C19orf67: variants seen among roughly 807,000 people sequenced by gnomAD.
C19orf67 encodes the protein UPF0575 protein C19orf67.
A neutral mutation model predicts 41.4 loss-of-function variants in C19orf67; 28 were observed. The ratio of observed to expected loss-of-function variants is 0.68; its 90% CI spans 0.50 to 0.93. The LOEUF (loss-of-function observed/expected upper bound fraction) is 0.93. Ranked by LOEUF, C19orf67 falls within the 40% of genes least tolerant of loss-of-function variation. The pLI is 0.00. For synonymous variants in C19orf67, 242 were observed against 203.4 expected (o/e 1.19, Z -1.62); for missense variants, 421 against 467.0 (o/e 0.90, Z 0.91).
chr19:14,082,655 T>A (rs760622335), intron 4 of C19orf67, 52 bp from the exon 5 acceptor site: 1 of 1,495,556 alleles, frequency 6.7e-7, no homozygotes, highest in South Asian at 1.2e-5. Flanking sequence ...TAGCTACTTC[T>A]GTTGAGGGCT....
Position 14,081,850 on chromosome 19 carries a change from G to A in C19orf67, c.1061C>T (p.Ala354Val), listed in dbSNP as rs1183590559. The A allele has an allele frequency of 3.3e-6, 5 of 1,532,258 alleles. No homozygotes were observed. The highest frequency in any genetic ancestry group is 4.4e-6 in the Non-Finnish European group (5 of 1,145,016). The allele number at this position is 1,532,258 out of a possible 1,614,324, so 94.9% of individuals were successfully genotyped here. A position where few individuals can be genotyped will look rare whatever the true frequency, so the allele number is the denominator to read the frequency against. ...PPSAAGPAGW[A>V]AQGS Reference sequence around the variant, plus strand: ...TCCCCAGGTTCAAGACCCCTGCGCTGCCCACCCCGCAGGCCCGGCTGCGCT... The same window carrying A: ...TCCCCAGGTTCAAGACCCCTGCGCTACCCACCCCGCAGGCCCGGCTGCGCT... The change falls in exon 6 of 6, where the codon GCA (alanine) becomes GTA (valine). Residue 354 changes from alanine to valine, a missense_variant. Ala to Val is a moderately conservative substitution (Grantham distance 64). Transcript: ENST00000548523.
At chr19:14,082,039 C>G in intron 5 of C19orf67, 31 bp from the exon 6 acceptor site, 2 of 1,454,748 alleles carry the variant, frequency 1.4e-6, no homozygotes, top group Non-Finnish European at 1.8e-6. Context: ...ATAGACAGGC[C>G]TGGACTTGAG....
chr19:14,082,695 C>T, intron 4 of C19orf67, 92 bp from the exon 5 acceptor site: 1 of 1,271,030 alleles, frequency 7.9e-7, no homozygotes. Context: ...GGGAACTCAT[C>T]AGAAGTTGCC....
At position 14,083,385 on chromosome 19, in the gene C19orf67, G is replaced by C; in HGVS notation, c.619C>G (p.Leu207Val). Residue 207 changes from leucine to valine, a missense_variant, in exon 4 of 6, where the codon CTG becomes GTG. Around this residue, in one of 3 missense-constraint regions of C19orf67, gnomAD observed 253 missense variants for 307.0 expected, o/e 0.82. Transcript: ENST00000548523. ...CTGAAGATGGAGACCTCATGGGACA[G>C]GCTGATGGAGAACCTCCCGCAAAAG... is the stretch of plus-strand genomic sequence containing the variant. ...CFFCGRFSIS[L>V]SHEVSIFRYC... The C allele has an allele frequency of 6.5e-7, 1 of 1,533,314 alleles. No homozygotes were observed. The highest frequency in any genetic ancestry group is 1.2e-5 in the South Asian group (1 of 83,994). The allele number at this position is 1,533,314 out of a possible 1,614,324, so 95.0% of individuals were successfully genotyped here.
intron 1 of C19orf67, among the ~76,000 whole-genome samples, chr19:14,084,506 CA>C (rs1451163609): frequency 6.6e-6 from 1 of 150,652 alleles, no homozygotes; most frequent in Non-Finnish European, 1.5e-5. Flanking sequence ...GACTCCATTT[CA>C]AAAAAACACA....
Position 14,085,415 on chromosome 19 carries a change from C to T in C19orf67, c.213G>A (p.Leu71=). The T allele has an allele frequency of 6.5e-7, 1 of 1,535,964 alleles. No individual in the cohort carries two copies. ...ARASTSSPKP[L]VPRPGPAPPR... ...GAGGTGCTGGCCCAGGCCGGGGGAC[C>T]AGAGGTTTGGGGGAAGACGTGGAGG... The change falls in exon 1 of 6, where the codon CTG becomes CTA. Residue 71 remains leucine, a synonymous_variant. Coordinates refer to ENST00000548523, the MANE Select transcript of C19orf67 (RefSeq NM_001277378.2).
At chr19:14,082,138 G>A in intron 5 of C19orf67, 130 bp from the exon 6 acceptor site, 1 of 810,766 alleles carries the variant, frequency 1.2e-6, no homozygotes, top group East Asian at 2.9e-5. Flanking sequence ...AAAAACCCCC[G>A]GGGGAAACTT....
rs1215364661 is a variant in C19orf67 at position 14,083,785 on chromosome 19, G to A, written c.428C>T (p.Ala143Val). 1.7e-5 allele frequency: 24 copies of A among 1,423,462 alleles called. No individual in the cohort carries two copies. Among genetic ancestry groups the A allele is most frequent in the African/African-American group, 2.9e-5 (2 of 69,536 alleles). 88.2% of individuals were successfully genotyped at this position (1,423,462 alleles called of 1,614,324 possible). A position where few individuals can be genotyped will look rare whatever the true frequency, so the allele number is the denominator to read the frequency against. Residue 143 changes from alanine (A) to valine (V), a missense_variant, in exon 2 of 6, where the codon GCG becomes GTG. Coordinates refer to ENST00000548523, the MANE Select transcript of C19orf67 (RefSeq NM_001277378.2). ...EPYFLYLEAA[A>V]RSIPPIYGPL... ...TCCATAGATGGGGGGTATGCTTCTCGCGGCTGCCTCCAGGTACAGGAAGTA... is the reference window on the plus strand; with the variant it reads ...TCCATAGATGGGGGGTATGCTTCTCACGGCTGCCTCCAGGTACAGGAAGTA...
rs1302890125 is a variant in C19orf67 at position 14,083,578 on chromosome 19, G to A, written c.508C>T (p.Leu170=). 2 of 1,536,084 alleles carry A rather than the reference G, an allele frequency of 1.3e-6. No homozygotes were observed. Among genetic ancestry groups the A allele is most frequent in the Non-Finnish European group, 1.7e-6 (2 of 1,146,884 alleles). ...ATGAGGACCAGCTGTTCCAGGCGCA[G>A]GGTCAGCTGTTGGGAGATCTCTAAC... ...GLLEISQQLT[L]RLEQLVLMYA... Residue 170 remains leucine (L), a synonymous_variant, in exon 3 of 6, where the codon CTG becomes TTG. Coordinates refer to ENST00000548523, the MANE Select transcript of C19orf67 (RefSeq NM_001277378.2).
rs1434376976 is a variant in C19orf67, at chr19:14,081,776, G to A, written c.*58C>T. On this transcript the variant is annotated 3_prime_UTR_variant, in exon 6 of 6. Coordinates refer to ENST00000548523, the MANE Select transcript of C19orf67 (RefSeq NM_001277378.2). ...GCGAGAACGAGTGAGCCCCTCCCCT[G>A]CCCCCTATTCTGGAGTTTGGAACTG... The A allele has an allele frequency of 9.4e-5, 127 of 1,354,168 alleles. 2 individuals carry two copies. The South Asian group carries it at 1.8e-3, about 19-fold the overall frequency. The allele number at this position is 1,354,168 out of a possible 1,614,324, so 83.9% of individuals were successfully genotyped here. A position where few individuals can be genotyped will look rare whatever the true frequency, so the allele number is the denominator to read the frequency against.
Position 14,085,162 on chromosome 19 carries a change from T to TAG in C19orf67, c.335+129_335+130dup, listed in dbSNP as rs900618156. On this transcript the variant is annotated intron_variant, in intron 1 of 5. Coordinates refer to ENST00000548523, the MANE Select transcript of C19orf67 (RefSeq NM_001277378.2). ...TCTCTTAAACTGGATTCTAATATGCTAGCTTCTTCCACTGTCTCCCTCTGG... is the reference window on the plus strand; with the variant it reads ...TCTCTTAAACTGGATTCTAATATGCTAGAGCTTCTTCCACTGTCTCCCTCTGG... 7 of 686,510 alleles carry TAG rather than the reference T, an allele frequency of 1.0e-5. No homozygotes were observed. The Admixed American group carries it at 1.3e-4, about 12-fold the overall frequency. The allele number at this position is 686,510 out of a possible 1,614,324, so 42.5% of individuals were successfully genotyped here.
chr19:14,085,309 T>C lies in C19orf67; in HGVS notation c.319A>G (p.Ser107Gly), dbSNP rs959594896. The stretch of plus-strand genomic sequence containing the variant: ...CAGCATCACCTGTAGAGCAAGTAGC[T>C]CTGGAAATCATCTGCCTTCTTCAGT... ...YLLKKADDFQSYLLYSRDQVQ... is the reference protein window; with the variant it reads ...YLLKKADDFQGYLLYSRDQVQ... The change falls in exon 1 of 6, where the codon AGC becomes GGC. Residue 107 changes from serine to glycine, a missense_variant. Coordinates refer to ENST00000548523, the MANE Select transcript of C19orf67 (RefSeq NM_001277378.2). 1.3e-6 allele frequency: 2 copies of C among 1,536,180 alleles called. No homozygotes were observed. The highest frequency in any genetic ancestry group is 8.7e-7 in the Non-Finnish European group (1 of 1,146,910).
intron 1 of C19orf67, 99 bp downstream of exon 1, chr19:14,085,194 G>A: frequency 1.1e-6 from 1 of 879,382 alleles, no homozygotes; most frequent in Non-Finnish European, 1.8e-6. Flanking sequence ...CTGGCTCCTA[G>A]CGCTTGTAAT....
rs1006414198 is a variant in C19orf67, at chr19:14,085,509, G to A, written c.119C>T (p.Pro40Leu). 6.5e-6 allele frequency: 10 copies of A among 1,535,306 alleles called. No individual in the cohort carries two copies. Among genetic ancestry groups the A allele is most frequent in the Admixed American group, 2.0e-5 (1 of 50,954 alleles). The change falls in exon 1 of 6, where the codon CCT (proline) becomes CTT (leucine). Residue 40 changes from proline to leucine, a missense_variant. By Grantham distance (98) the Pro-to-Leu change is moderately conservative (BLOSUM62 -3). Around this residue, in one of 3 missense-constraint regions of C19orf67, gnomAD observed 160 missense variants for 139.2 expected, o/e 1.15. Coordinates refer to ENST00000548523, the MANE Select transcript of C19orf67 (RefSeq NM_001277378.2). ...CTCAGATGGGTTCCCAGGCCTGCCAGGGGGCGTCGACCTGGAGGGGTCTCC... is the reference window on the plus strand; with the variant it reads ...CTCAGATGGGTTCCCAGGCCTGCCAAGGGGCGTCGACCTGGAGGGGTCTCC... Reference protein sequence around the residue: ...PCGDPSRSTPPGRPGNPSEPD... With the variant: ...PCGDPSRSTPLGRPGNPSEPD...
At chr19:14,083,643 C>T (rs1008366784) in intron 2 of C19orf67, 38 bp from the exon 3 acceptor site, 3 of 1,530,886 alleles carry the variant, frequency 2.0e-6, no homozygotes, top group Admixed American at 2.0e-5. Flanking sequence ...ATCAGCTGGC[C>T]TGCGAGGAGT....
Position 14,081,897 on chromosome 19 carries a change from C to T in C19orf67, c.1014G>A (p.Gln338=). ...CGCTCGGAGGCCGGGCCTGGCCTGC[C>T]TGGCCCGTGAGGATCTGCACCAGCA... ...TDLLVQILTG[Q]AGQARPPSAA... The change falls in exon 6 of 6, where the codon CAG becomes CAA. Residue 338 remains glutamine (Q), a synonymous_variant. Coordinates refer to ENST00000548523, the MANE Select transcript of C19orf67 (RefSeq NM_001277378.2). The T allele has an allele frequency of 6.5e-7, 1 of 1,534,510 alleles. No individual in the cohort carries two copies. The highest frequency in any genetic ancestry group is 8.7e-7 in the Non-Finnish European group (1 of 1,145,940).
chr19:14,083,994 C>A (rs578052509), intron 1 of C19orf67, 117 bp from the exon 2 acceptor site: 204 of 1,029,218 alleles, frequency 2.0e-4, no homozygotes, highest in Non-Finnish European at 2.5e-4. Flanking sequence ...TTAGAAAAGC[C>A]CCCAGTTTCA....
chr19:14,085,745 G>C lies in C19orf67; in HGVS notation c.-118C>G, dbSNP rs1439895206. The C allele has an allele frequency of 1.4e-6, 1 of 724,738 alleles. No homozygotes were observed. The highest frequency in any genetic ancestry group is 1.8e-5 in the African/African-American group (1 of 55,694). 44.9% of individuals were successfully genotyped at this position (724,738 alleles called of 1,614,324 possible). On this transcript the variant is annotated 5_prime_UTR_variant, in exon 1 of 6. Transcript: ENST00000548523. ...TGGCCCCTGCCTTGACCTCTCCACC[G>C]GAGCCGCGCCGCCGCGCCGGGGGCC...
At chr19:14,084,257 G>T (rs1036014934) in intron 1 of C19orf67, among the ~76,000 whole-genome samples, 2 of 152,026 alleles carry the variant, frequency 1.3e-5, no homozygotes, top group Non-Finnish European at 2.9e-5. Flanking sequence ...AGCTGGGCAT[G>T]GTGGCACCTG....
Sources: allele counts gnomAD v4.1 joint callset (sites outside exome capture counted in the v4.1 genomes callset), GRCh38; gene constraint gnomAD v4.1.1; regional missense constraint gnomAD v4.1.1; transcripts MANE v1.5; gene names NCBI Gene and HGNC (gene_info 2026-07-23, HGNC 2026-07-21).